PTPRD: variants seen among roughly 807,000 people sequenced by gnomAD.
PTPRD encodes the protein protein tyrosine phosphatase receptor type D.
Under a neutral mutation model 214.5 loss-of-function variants are expected in PTPRD, and 34 were observed. The observed-to-expected ratio is 0.16, with a 90% confidence interval of 0.12 to 0.21. The LOEUF (loss-of-function observed/expected upper bound fraction) is 0.21. Among genes scored for constraint, PTPRD ranks in the 10% least tolerant of loss-of-function variants. The probability of loss-of-function intolerance (pLI) is 1.00; values close to 1 mark genes in which losing one functional copy is unlikely to be tolerated. For missense variants in PTPRD, 2,545 were observed against 2,398.7 expected (o/e 1.06, Z -1.27); for synonymous variants, 1,128 against 845.7 (o/e 1.33, Z -5.79).
At chr9:10,069,458 C>G (rs2097951999) in intron 3 of PTPRD, among the ~76,000 whole-genome samples, 1 of 151,998 alleles carries the variant, frequency 6.6e-6, no homozygotes, top group Non-Finnish European at 1.5e-5. Context: ...ACATACCTTT[C>G]CAAACTGCCT....
In PTPRD at chr9:9,164,526, G is replaced by A. The variant is rs183828713; in HGVS notation, c.-143+18778C>T. Among the ~76,000 whole-genome samples the A allele has an allele frequency of 2.0e-5, 3 of 152,262 alleles. No individual in the cohort carries two copies. The East Asian group carries it at 5.8e-4, about 29-fold the overall frequency. ...GACAGGTTTCAGTAATTAGGATGTA[G>A]ATATCTTGTAGGAGGGTATTATACT... On this transcript the variant is annotated intron_variant, in intron 10 of 45. Coordinates refer to ENST00000381196, the MANE Select transcript of PTPRD (RefSeq NM_002839.4).
At chr9:8,661,286 G>A (rs1312804723) in intron 12 of PTPRD, among the ~76,000 whole-genome samples, 5 of 152,004 alleles carry the variant, frequency 3.3e-5, no homozygotes, top group Non-Finnish European at 7.4e-5. Flanking sequence ...TCAATACACA[G>A]TTCAGCCCAG....
rs180849194 is a variant in PTPRD at position 9,761,777 on chromosome 9, C to T, written c.-326+5033G>A. 5.3e-5 allele frequency among the ~76,000 whole-genome samples: 8 copies of T among 152,234 alleles called. No homozygotes were observed. In the South Asian group the frequency reaches 6.2e-4, roughly 12 times the overall value. On this transcript the variant is annotated intron_variant, in intron 6 of 45. Transcript: ENST00000381196. ...TTATCATTCCATCAAATTGTCTCCC[C>T]TTCCCCCCACTCTGTATTTCTACAT...
At chr9:8,727,016 G>A (rs2098588890) in intron 12 of PTPRD, among the ~76,000 whole-genome samples, 1 of 151,760 alleles carries the variant, frequency 6.6e-6, no homozygotes, top group Non-Finnish European at 1.5e-5. Context: ...CAGGTACATA[G>A]AAACAGAATG....
chr9:9,285,864 C>G (rs957370191), intron 9 of PTPRD, among the ~76,000 whole-genome samples: 4 of 151,768 alleles, frequency 2.6e-5, no homozygotes, highest in African/African-American at 9.7e-5. Flanking sequence ...AGCTCTATAT[C>G]TATCTATATC....
chr9:8,611,711 G>GA (rs923506421), intron 14 of PTPRD, among the ~76,000 whole-genome samples: 2 of 86,520 alleles, frequency 2.3e-5, no homozygotes, highest in African/African-American at 7.8e-5. Flanking sequence ...CCTGTCAAAA[G>GA]AAAAAAAGAA....
chr9:9,685,661 A>T (rs7872414), intron 7 of PTPRD, among the ~76,000 whole-genome samples: 47,260 of 150,912 alleles, frequency 0.31, 7,722 homozygotes, highest in Admixed American at 0.45. Context: ...TAGCTAAGCT[A>T]CAGATTAGAA....
At position 8,485,894 on chromosome 9, in the gene PTPRD, C is replaced by G. The variant is rs143288045; in HGVS notation, c.2923G>C (p.Ala975Pro). Residue 975 changes from alanine to proline, a missense_variant, in exon 28 of 46, where the codon GCT (alanine) becomes CCT (proline). Coordinates refer to ENST00000381196, the MANE Select transcript of PTPRD (RefSeq NM_002839.4). Reference sequence around the variant, plus strand: ...CCAGTGAGTGTCATAGTGGTGTCAGCTGGAACAATAAGCTGCTCCATCGGG... The same window carrying G: ...CCAGTGAGTGTCATAGTGGTGTCAGGTGGAACAATAAGCTGCTCCATCGGG... ...LLPMEQLIVP[A>P]DTTMTLTGLK... is the part of the protein sequence containing the mutation. 1.4e-3 allele frequency: 2,212 copies of G among 1,614,148 alleles called. 30 individuals carry two copies. The highest frequency in any genetic ancestry group is 2.3e-4 in the Non-Finnish European group (267 of 1,180,028).
chr9:9,452,095 A>G (rs1295628833), intron 8 of PTPRD, among the ~76,000 whole-genome samples: 1 of 151,554 alleles, frequency 6.6e-6, no homozygotes, highest in Non-Finnish European at 1.5e-5. Flanking sequence ...AATATATAAC[A>G]ATCTATACCT....
intron 12 of PTPRD, among the ~76,000 whole-genome samples, chr9:8,720,220 G>A (rs1352311081): frequency 2.0e-5 from 3 of 152,192 alleles, no homozygotes. Context: ...TGGGACAGCT[G>A]CAACAGGTGT....
intron 8 of PTPRD, among the ~76,000 whole-genome samples, chr9:9,440,943 C>T (rs2087430919): frequency 1.3e-5 from 2 of 152,296 alleles, no homozygotes; most frequent in African/African-American, 2.4e-5. Flanking sequence ...GTATGATGGG[C>T]AGAGCGTGAA....
chr9:9,219,430 C>A (rs956021541), intron 9 of PTPRD, among the ~76,000 whole-genome samples: 14 of 145,992 alleles, frequency 9.6e-5, no homozygotes, highest in Non-Finnish European at 1.8e-4. Context: ...AAAAAAAAAA[C>A]ATTATAGCAA....
At chr9:8,647,608 G>C (rs917012894) in intron 12 of PTPRD, among the ~76,000 whole-genome samples, 1 of 151,990 alleles carries the variant, frequency 6.6e-6, no homozygotes, top group African/African-American at 2.4e-5. Context: ...TCATATCTTT[G>C]CACATATATG....
chr9:8,824,852 A>G (rs567757607), intron 11 of PTPRD, among the ~76,000 whole-genome samples: 3 of 152,342 alleles, frequency 2.0e-5, no homozygotes, highest in African/African-American at 7.2e-5. Context: ...CTAGAATTTA[A>G]TAACAAGTAT....
chr9:10,585,197 G>A (rs2073499530), intron 2 of PTPRD, among the ~76,000 whole-genome samples: 1 of 151,954 alleles, frequency 6.6e-6, no homozygotes, highest in Non-Finnish European at 1.5e-5. Context: ...ACTAAAAGTA[G>A]TAATAATTAT....
intron 9 of PTPRD, among the ~76,000 whole-genome samples, chr9:9,360,800 G>C (rs1052468530): frequency 6.6e-6 from 1 of 151,022 alleles, no homozygotes; most frequent in East Asian, 1.9e-4. Context: ...CATTGAAAAA[G>C]ATTTCCAAGT....
At chr9:10,510,670 A>T (rs1274583094) in intron 2 of PTPRD, among the ~76,000 whole-genome samples, 1 of 152,108 alleles carries the variant, frequency 6.6e-6, no homozygotes, top group East Asian at 1.9e-4. Flanking sequence ...GGTAATGGGG[A>T]TGTCCATCAT....
At chr9:9,934,598 A>T (rs1602795967) in intron 5 of PTPRD, among the ~76,000 whole-genome samples, 1 of 151,294 alleles carries the variant, frequency 6.6e-6, no homozygotes, top group East Asian at 1.9e-4. Context: ...CTTACCAACC[A>T]AAAAGAGTCC....
chr9:8,317,978 G>A (rs780239526), intron 45 of PTPRD, 36 bp from the exon 46 acceptor site: 1 of 1,569,306 alleles, frequency 6.4e-7, no homozygotes, highest in Non-Finnish European at 8.8e-7. Flanking sequence ...AGCAAAAGAA[G>A]GGACCATGAG....
Sources: allele counts gnomAD v4.1 joint callset (sites outside exome capture counted in the v4.1 genomes callset), GRCh38; gene constraint gnomAD v4.1.1; transcripts MANE v1.5; gene names NCBI Gene and HGNC (gene_info 2026-07-23, HGNC 2026-07-21).